Variants in CCDC178 observed in about 807,000 individuals in gnomAD.
The protein encoded by CCDC178 is coiled-coil domain containing 178.
A neutral mutation model predicts 117.4 loss-of-function variants in CCDC178; 126 were observed. The observed-to-expected ratio is 1.07, with a 90% CI of 0.93 to 1.24. The LOEUF (loss-of-function observed/expected upper bound fraction) is 1.24, where lower values mean the gene tolerates loss of function less well. Among genes scored for constraint, CCDC178 ranks in the 50% most tolerant of loss-of-function variants. CCDC178 has a pLI of 0.00. For synonymous variants in CCDC178, 283 were observed against 313.4 expected (o/e 0.90, Z 1.02); for missense variants, 1,030 against 986.9 (o/e 1.04, Z -0.59).
chr18:33,422,843 T>C (rs1328861155), intron 2 of CCDC178, among the ~76,000 whole-genome samples: 2 of 152,206 alleles, frequency 1.3e-5, no homozygotes, highest in African/African-American at 2.4e-5. Flanking sequence ...CACTTTGCTC[T>C]CTGTCTATTA....
chr18:33,052,563 G>A (rs1350791241), intron 21 of CCDC178, among the ~76,000 whole-genome samples: 1 of 151,996 alleles, frequency 6.6e-6, no homozygotes, highest in Non-Finnish European at 1.5e-5. Context: ...CTATAAAGAA[G>A]GAAAATTCTT....
At chr18:33,085,190 T>C (rs527452953) in intron 21 of CCDC178, among the ~76,000 whole-genome samples, 18 of 152,326 alleles carry the variant, frequency 1.2e-4, no homozygotes, top group African/African-American at 4.3e-4. Context: ...TTTATCTAAA[T>C]AATAGAAATA....
chr18:33,415,831 G>C (rs979578245), intron 2 of CCDC178, among the ~76,000 whole-genome samples: 1 of 151,982 alleles, frequency 6.6e-6, no homozygotes, highest in Non-Finnish European at 1.5e-5. Flanking sequence ...AAAAACTCTG[G>C]GTGCATTATA....
chr18:33,107,563 C>T (rs2057724284), intron 20 of CCDC178, among the ~76,000 whole-genome samples: 1 of 151,618 alleles, frequency 6.6e-6, no homozygotes, highest in Non-Finnish European at 1.5e-5. Context: ...TCATGTTAGG[C>T]CAGCTCTTAT....
intron 4 of CCDC178, among the ~76,000 whole-genome samples, chr18:33,390,735 A>G (rs1018082675): frequency 7.2e-5 from 11 of 152,036 alleles, no homozygotes; most frequent in African/African-American, 2.7e-4. Flanking sequence ...CATGATAGTT[A>G]CATTTATGTA....
At chr18:33,112,922 G>T (rs2057803963) in intron 20 of CCDC178, among the ~76,000 whole-genome samples, 1 of 151,898 alleles carries the variant, frequency 6.6e-6, no homozygotes, top group Non-Finnish European at 1.5e-5. Context: ...TAAATAAAAT[G>T]ACTCTAAACT....
intron 20 of CCDC178, among the ~76,000 whole-genome samples, chr18:33,157,004 T>G (rs911387150): frequency 7.9e-5 from 12 of 152,216 alleles, no homozygotes; most frequent in African/African-American, 2.7e-4. Context: ...ATACAATGGA[T>G]TCAGAACAGT....
At chr18:33,293,378 A>G (rs1021118085) in intron 11 of CCDC178, 66 bp from the exon 12 acceptor site, 7 of 1,056,102 alleles carry the variant, frequency 6.6e-6, no homozygotes, top group African/African-American at 1.7e-5. Context: ...AATTATACTT[A>G]GGCCAGGCTT....
intron 2 of CCDC178, 90 bp from the exon 3 acceptor site, chr18:33,412,200 T>G (rs945105214): frequency 1.6e-5 from 8 of 505,126 alleles, no homozygotes; most frequent in Non-Finnish European, 2.8e-5. Context: ...GAACTGATAG[T>G]GTAAAATGTA....
At chr18:33,431,435 T>C (rs1463690024) in intron 2 of CCDC178, among the ~76,000 whole-genome samples, 1 of 152,152 alleles carries the variant, frequency 6.6e-6, no homozygotes, top group Non-Finnish European at 1.5e-5. Context: ...GCTATTCACA[T>C]CTGGTTATTT....
intron 20 of CCDC178, among the ~76,000 whole-genome samples, chr18:33,185,391 A>G (rs925650274): frequency 6.6e-6 from 1 of 152,084 alleles, no homozygotes; most frequent in African/African-American, 2.4e-5. Flanking sequence ...GGGTAAGAGT[A>G]CATTGCGAAT....
At chr18:33,176,683 C>A (rs1222430792) in intron 20 of CCDC178, among the ~76,000 whole-genome samples, 1 of 152,150 alleles carries the variant, frequency 6.6e-6, no homozygotes, top group Non-Finnish European at 1.5e-5. Context: ...TAGATACCAA[C>A]TCTATCATTT....
chr18:33,088,994 C>T (rs980121620), intron 21 of CCDC178, among the ~76,000 whole-genome samples: 5 of 152,102 alleles, frequency 3.3e-5, no homozygotes, highest in Non-Finnish European at 7.4e-5. Context: ...TCTAAAGGCA[C>T]TTCTAGTTAG....
At chr18:33,222,528 C>T (rs2059249057) in intron 18 of CCDC178, among the ~76,000 whole-genome samples, 1 of 152,046 alleles carries the variant, frequency 6.6e-6, no homozygotes, top group South Asian at 2.1e-4. Flanking sequence ...TTCCTTCATA[C>T]TCATGTGGTA....
chr18:33,264,794 C>G (rs1286469457), intron 14 of CCDC178, among the ~76,000 whole-genome samples: 4 of 152,098 alleles, frequency 2.6e-5, no homozygotes, highest in African/African-American at 9.7e-5. Context: ...CCTGTGGAAG[C>G]TACAAGAGCC....
At chr18:32,986,370 C>G (rs1473857306) in intron 21 of CCDC178, among the ~76,000 whole-genome samples, 2 of 152,036 alleles carry the variant, frequency 1.3e-5, no homozygotes, top group Non-Finnish European at 2.9e-5. Context: ...TTCCCCTTGG[C>G]TTGCAGAAGA....
At chr18:33,164,103 C>CT (rs34932085) in intron 20 of CCDC178, among the ~76,000 whole-genome samples, 6,003 of 111,260 alleles carry the variant, frequency 0.054, 231 homozygotes, top group East Asian at 0.11. Flanking sequence ...CGCTTACATT[C>CT]TTTTTTTTTT....
At chr18:33,259,651 C>A (rs1311087951) in intron 14 of CCDC178, among the ~76,000 whole-genome samples, 1 of 148,464 alleles carries the variant, frequency 6.7e-6, no homozygotes. Flanking sequence ...GATTCAATCA[C>A]CCCCCCCCAC....
intron 5 of CCDC178, among the ~76,000 whole-genome samples, chr18:33,376,024 A>G (rs920619156): frequency 6.6e-6 from 1 of 152,198 alleles, no homozygotes; most frequent in Non-Finnish European, 1.5e-5. Flanking sequence ...CAAGCGGGTG[A>G]CTTGAGAAAC....
Sources: gnomAD v4.1 joint callset for allele counts (sites outside exome capture counted in the v4.1 genomes callset) on GRCh38, gnomAD v4.1.1 for gene constraint, MANE v1.5 for transcripts, NCBI Gene and HGNC (gene_info 2026-07-23, HGNC 2026-07-21) for gene names.